SKAP2: variants seen among roughly 807,000 people sequenced by gnomAD.
The protein encoded by SKAP2 is src kinase-associated phosphoprotein 2.
Under a neutral mutation model 54.9 loss-of-function variants are expected in SKAP2, and 28 were observed. The observed-to-expected ratio is 0.51, with a 90% confidence interval of 0.38 to 0.70. SKAP2 has a LOEUF of 0.70. SKAP2 is among the 30% of genes least tolerant of loss of function. The pLI is 0.00. For missense variants in SKAP2, 356 were observed against 424.1 expected (o/e 0.84, Z 1.41); for synonymous variants, 137 against 134.3 (o/e 1.02, Z -0.14).
At chr7:26,744,288 A>G (rs1782514298) in intron 4 of SKAP2, among the ~76,000 whole-genome samples, 1 of 152,206 alleles carries the variant, frequency 6.6e-6, no homozygotes, top group South Asian at 2.1e-4. Flanking sequence ...AGTTACTTCA[A>G]TTTCAGAGAA....
chr7:26,782,124 C>T (rs1256014172), intron 4 of SKAP2, among the ~76,000 whole-genome samples: 1 of 152,152 alleles, frequency 6.6e-6, no homozygotes, highest in East Asian at 1.9e-4. Context: ...ACAATCCTGG[C>T]ATATAGCAGG....
At chr7:26,704,807 A>G (rs1229367604) in intron 9 of SKAP2, among the ~76,000 whole-genome samples, 1 of 152,194 alleles carries the variant, frequency 6.6e-6, no homozygotes, top group Non-Finnish European at 1.5e-5. Context: ...CTGTCCTTCA[A>G]AGTACGTAAG....
intron 4 of SKAP2, among the ~76,000 whole-genome samples, chr7:26,818,966 T>C (rs1369969978): frequency 1.3e-5 from 2 of 152,184 alleles, no homozygotes; most frequent in Non-Finnish European, 1.5e-5. Context: ...GCTTTTACAC[T>C]GTTCGTGGGA....
intron 10 of SKAP2, among the ~76,000 whole-genome samples, chr7:26,690,015 C>G (rs1397457017): frequency 6.6e-6 from 1 of 152,216 alleles, no homozygotes; most frequent in Non-Finnish European, 1.5e-5. Context: ...AACTAAATCT[C>G]CTTTGTGCAG....
chr7:26,692,683 A>T (rs1426275374), intron 9 of SKAP2, among the ~76,000 whole-genome samples: 1 of 152,228 alleles, frequency 6.6e-6, no homozygotes, highest in African/African-American at 2.4e-5. Flanking sequence ...CACTCTTTTA[A>T]AAAGTATCCT....
chr7:26,683,479 T>A (rs1263024324), intron 11 of SKAP2, among the ~76,000 whole-genome samples: 1 of 151,950 alleles, frequency 6.6e-6, no homozygotes, highest in Non-Finnish European at 1.5e-5. Context: ...TTATTTATTT[T>A]ATCACAGTTG....
intron 9 of SKAP2, among the ~76,000 whole-genome samples, chr7:26,722,385 A>AT (rs35643377): frequency 0.63 from 55,961 of 89,134 alleles, 19,273 homozygotes; most frequent in South Asian, 0.71. Context: ...ATGCAATGCA[A>AT]TTTTTTTTTT....
At chr7:26,670,339 G>A in intron 11 of SKAP2, 147 bp from the exon 12 acceptor site, 2 of 546,988 alleles carry the variant, frequency 3.7e-6, no homozygotes, top group Non-Finnish European at 6.6e-6. Context: ...TTTTGTTTCT[G>A]GACACTTTAA....
chr7:26,708,895 A>C (rs1584343779), intron 9 of SKAP2, among the ~76,000 whole-genome samples: 1 of 152,190 alleles, frequency 6.6e-6, no homozygotes. Context: ...TGAATAATTG[A>C]ATTGCTTACA....
intron 11 of SKAP2, among the ~76,000 whole-genome samples, chr7:26,672,020 T>C (rs1178187318): frequency 6.6e-6 from 1 of 152,002 alleles, no homozygotes; most frequent in Non-Finnish European, 1.5e-5. Flanking sequence ...AAAGCTCTTA[T>C]TCAATGCCAA....
intron 11 of SKAP2, among the ~76,000 whole-genome samples, chr7:26,676,205 G>A (rs935211020): frequency 6.6e-6 from 1 of 152,118 alleles, no homozygotes; most frequent in Non-Finnish European, 1.5e-5. Context: ...ACTATGAAAA[G>A]TTTTTGTTGA....
chr7:26,710,333 T>G (rs534048622), intron 9 of SKAP2, among the ~76,000 whole-genome samples: 1 of 152,268 alleles, frequency 6.6e-6, no homozygotes, highest in East Asian at 1.9e-4. Context: ...CATATCAACA[T>G]TTAAAATGTC....
chr7:26,703,721 G>A (rs1787097694), intron 9 of SKAP2, among the ~76,000 whole-genome samples: 1 of 152,154 alleles, frequency 6.6e-6, no homozygotes, highest in African/African-American at 2.4e-5. Context: ...ATTTGTAACA[G>A]TGATTATAAT....
At chr7:26,790,041 G>A (rs1168423712) in intron 4 of SKAP2, among the ~76,000 whole-genome samples, 1 of 152,124 alleles carries the variant, frequency 6.6e-6, no homozygotes, top group Non-Finnish European at 1.5e-5. Flanking sequence ...CCAGCTGATG[G>A]CCAGTATGTA....
chr7:26,686,287 A>G (rs1786638431), intron 10 of SKAP2, among the ~76,000 whole-genome samples: 1 of 152,146 alleles, frequency 6.6e-6, no homozygotes, highest in Non-Finnish European at 1.5e-5. Context: ...CCCTCTATTA[A>G]ATTTTGTCTC....
At chr7:26,833,258 T>C (rs111327913) in intron 4 of SKAP2, among the ~76,000 whole-genome samples, 1 of 150,918 alleles carries the variant, frequency 6.6e-6, no homozygotes, top group Non-Finnish European at 1.5e-5. Flanking sequence ...TAGCCAGGAG[T>C]GGTGGCAGGC....
intron 4 of SKAP2, among the ~76,000 whole-genome samples, chr7:26,831,501 C>A (rs1384750228): frequency 6.6e-6 from 1 of 152,076 alleles, no homozygotes; most frequent in African/African-American, 2.4e-5. Context: ...ACAGTTGTGT[C>A]TAACACAAAA....
chr7:26,683,174 A>AT lies in SKAP2; in HGVS notation c.987+1561dup, dbSNP rs1255842864. On this transcript the variant is annotated intron_variant, in intron 11 of 12. Transcript: ENST00000345317. Reference sequence around the variant, plus strand: ...ATTGGTTTTAAAAAGACTGTGAGCTATATAAATTTAGGAATGATTCCAAGA... The same window carrying AT: ...ATTGGTTTTAAAAAGACTGTGAGCTATTATAAATTTAGGAATGATTCCAAGA... 2.6e-5 allele frequency among the ~76,000 whole-genome samples: 4 copies of AT among 152,230 alleles called. No individual in the cohort carries two copies. In the East Asian group the frequency reaches 7.7e-4, roughly 29 times the overall value.
chr7:26,747,550 A>C (rs998414883), intron 4 of SKAP2, among the ~76,000 whole-genome samples: 3 of 150,536 alleles, frequency 2.0e-5, no homozygotes, highest in African/African-American at 7.3e-5. Flanking sequence ...ATTAACTCTA[A>C]AGGAGTTAGG....
Sources: allele counts gnomAD v4.1 joint callset (sites outside exome capture counted in the v4.1 genomes callset), GRCh38; gene constraint gnomAD v4.1.1; transcripts MANE v1.5; gene names NCBI Gene and HGNC (gene_info 2026-07-23, HGNC 2026-07-21).